The following PID1 variants were observed in gnomAD, a reference collection of about 807,000 sequenced individuals.
PID1 encodes PTB-containing, cubilin and LRP1-interacting protein.
PID1 carries 10 observed loss-of-function variants against 19.1 expected under a neutral mutation model. That is an observed-to-expected ratio of 0.52 (90% CI 0.32 to 0.89). The LOEUF is 0.89. Ranked by LOEUF, PID1 falls within the 40% of genes least tolerant of loss-of-function variation. The probability of loss-of-function intolerance (pLI) is 0.03; values close to 1 mark genes in which losing one functional copy is unlikely to be tolerated. For missense variants in PID1, 248 were observed against 285.3 expected (o/e 0.87, Z 0.94); for synonymous variants, 130 against 116.0 (o/e 1.12, Z -0.78).
intron 2 of PID1, among the ~76,000 whole-genome samples, chr2:229,103,055 A>G (rs1695105189): frequency 6.6e-6 from 1 of 152,360 alleles, no homozygotes; most frequent in East Asian, 1.9e-4. Flanking sequence ...AAATATTAAC[A>G]GAGCTTAACC....
rs747406451 is a variant in PID1 at position 229,106,628 on chromosome 2, C to T, written c.177+49190G>A. Among the ~76,000 whole-genome samples, 7 of 152,248 alleles carry T rather than the reference C, an allele frequency of 4.6e-5. No individual in the cohort carries two copies. The East Asian group carries it at 9.7e-4, about 21-fold the overall frequency. The stretch of plus-strand genomic sequence containing the variant: ...CCACCATGTGAGGACACATAGAAGG[C>T]GCCATCTATGAAGCAGACAGCAATC... On this transcript the variant is annotated intron_variant, in intron 2 of 2. Transcript: ENST00000392055.
Position 229,257,842 on chromosome 2 carries a change from A to G in PID1, c.30+13172T>C, listed in dbSNP as rs572682461. Among the ~76,000 whole-genome samples, 8 of 152,312 alleles carry G rather than the reference A, an allele frequency of 5.3e-5. No individual in the cohort carries two copies. The South Asian group carries it at 8.3e-4, about 16-fold the overall frequency. ...CCATCCTGTCTAGTTTTCAGTTGCC[A>G]TATTCCTGAGAAAAACAATTGCCTC... On this transcript the variant is annotated intron_variant, in intron 1 of 2. Coordinates refer to ENST00000392055, the MANE Select transcript of PID1 (RefSeq NM_001100818.2).
At chr2:229,060,021 T>C (rs980380396) in intron 2 of PID1, among the ~76,000 whole-genome samples, 42 of 152,272 alleles carry the variant, frequency 2.8e-4, no homozygotes, top group African/African-American at 9.9e-4. Context: ...AATAATTGCA[T>C]ATATTTATGG....
At chr2:229,270,013 G>A (rs1485825004) in intron 1 of PID1, among the ~76,000 whole-genome samples, 1 of 152,172 alleles carries the variant, frequency 6.6e-6, no homozygotes, top group Non-Finnish European at 1.5e-5. Context: ...CTGTGCTTGG[G>A]GCTGTAAATG....
At chr2:229,228,118 G>A (rs972026726) in intron 1 of PID1, 10 of 448,600 alleles carry the variant, frequency 2.2e-5, no homozygotes, top group Non-Finnish European at 4.5e-5. Context: ...AAATCCAAGA[G>A]AATCGAGATA....
At chr2:229,104,877 C>T (rs754683718) in intron 2 of PID1, among the ~76,000 whole-genome samples, 1 of 152,218 alleles carries the variant, frequency 6.6e-6, no homozygotes, top group African/African-American at 2.4e-5. Flanking sequence ...ACATTGCTAG[C>T]TATAAACAAC....
At chr2:229,233,361 T>C (rs73107045) in intron 1 of PID1, among the ~76,000 whole-genome samples, 139 of 152,276 alleles carry the variant, frequency 9.1e-4, no homozygotes, top group African/African-American at 3.3e-3. Flanking sequence ...ATAAGGTCTT[T>C]TGAACTACTT....
At chr2:229,226,411 A>C (rs1692078363) in intron 1 of PID1, among the ~76,000 whole-genome samples, 1 of 152,248 alleles carries the variant, frequency 6.6e-6, no homozygotes, top group Non-Finnish European at 1.5e-5. Context: ...TGAATCCAGC[A>C]GTAAAATGAA....
intron 2 of PID1, among the ~76,000 whole-genome samples, chr2:229,045,201 G>A (rs897364762): frequency 1.3e-5 from 2 of 152,266 alleles, no homozygotes; most frequent in East Asian, 1.9e-4. Flanking sequence ...TGATCCACCC[G>A]CCTTGGCCTC....
In PID1 at chr2:229,170,850, C is replaced by A. The variant is rs34815034; in HGVS notation, c.31-14886G>T. On this transcript the variant is annotated intron_variant, in intron 1 of 2. Coordinates refer to ENST00000392055, the MANE Select transcript of PID1 (RefSeq NM_001100818.2). ...AACAGCCCTGAGTGCTTATCTTCCT[C>A]CGAAGTAATAAATGAGGACACAGAG... Among the ~76,000 whole-genome samples the A allele has an allele frequency of 3.9e-4, 60 of 152,054 alleles. 1 individual carries two copies. Among genetic ancestry groups the A allele is most frequent in the Non-Finnish European group, 8.1e-4 (55 of 68,032 alleles).
rs374305397 is a variant in PID1 at position 229,154,623 on chromosome 2, G to A, written c.177+1195C>T. On this transcript the variant is annotated intron_variant, in intron 2 of 2. Transcript: ENST00000392055. ...GTGCATACCACCATCACCCAAGATC[G>A]CTGTAGACGCCAACCTGACCACAGC... Among the ~76,000 whole-genome samples, 27 of 152,220 alleles carry A rather than the reference G, an allele frequency of 1.8e-4. No homozygotes were observed. The South Asian group carries it at 4.3e-3, about 25-fold the overall frequency.
intron 2 of PID1, among the ~76,000 whole-genome samples, chr2:229,113,938 A>G (rs1695354611): frequency 6.6e-6 from 1 of 152,122 alleles, no homozygotes; most frequent in Non-Finnish European, 1.5e-5. Flanking sequence ...GATTTACAGT[A>G]AAGCAGATGA....
intron 2 of PID1, among the ~76,000 whole-genome samples, chr2:229,044,191 C>A (rs1693828866): frequency 6.6e-6 from 1 of 152,066 alleles, no homozygotes; most frequent in Admixed American, 6.6e-5. Flanking sequence ...TTCCCAAAAC[C>A]CTTCTGTTGG....
At chr2:229,135,107 G>T (rs1689833152) in intron 2 of PID1, among the ~76,000 whole-genome samples, 1 of 152,114 alleles carries the variant, frequency 6.6e-6, no homozygotes, top group South Asian at 2.1e-4. Context: ...AGGAAGGAGG[G>T]AATGATGGAG....
chr2:229,076,858 G>A (rs888893094), intron 2 of PID1, among the ~76,000 whole-genome samples: 12 of 152,258 alleles, frequency 7.9e-5, no homozygotes, highest in South Asian at 2.1e-4. Flanking sequence ...ATAAACATAC[G>A]TGTGCATGTG....
chr2:229,200,048 G>C (rs1441142839), intron 1 of PID1, among the ~76,000 whole-genome samples: 2 of 151,846 alleles, frequency 1.3e-5, no homozygotes, highest in South Asian at 4.1e-4. Flanking sequence ...TCTGAAAGAA[G>C]CACAGGTTCC....
chr2:229,105,426 A>G (rs1695157576), intron 2 of PID1, among the ~76,000 whole-genome samples: 1 of 152,270 alleles, frequency 6.6e-6, no homozygotes, highest in Non-Finnish European at 1.5e-5. Context: ...AGAAGGAAAC[A>G]GTCCATTTGA....
At chr2:229,195,396 T>C (rs1425190677) in intron 1 of PID1, among the ~76,000 whole-genome samples, 4 of 151,650 alleles carry the variant, frequency 2.6e-5, no homozygotes, top group Non-Finnish European at 5.9e-5. Context: ...TATATACATA[T>C]ACATACATAA....
intron 1 of PID1, among the ~76,000 whole-genome samples, chr2:229,204,936 C>T (rs1403861608): frequency 6.6e-6 from 1 of 151,996 alleles, no homozygotes; most frequent in Non-Finnish European, 1.5e-5. Flanking sequence ...AGAACTAGAA[C>T]TTTACAAAAA....
Sources: gnomAD v4.1 joint callset for allele counts (sites outside exome capture counted in the v4.1 genomes callset) on GRCh38, gnomAD v4.1.1 for gene constraint, MANE v1.5 for transcripts, NCBI Gene and HGNC (gene_info 2026-07-23, HGNC 2026-07-21) for gene names.